The following XPR1 variants were observed in gnomAD, a reference collection of about 807,000 sequenced individuals.
The protein encoded by XPR1 is solute carrier family 53 member 1.
XPR1 carries 28 observed loss-of-function variants against 87.5 expected under a neutral mutation model. That is an observed-to-expected ratio of 0.32 (90% CI 0.24 to 0.44). The LOEUF is 0.44. XPR1 is among the 20% of genes least tolerant of loss of function. The pLI is 1.00. For synonymous variants in XPR1, 300 were observed against 306.1 expected, an observed-to-expected ratio of 0.98 and a Z score of 0.21; for missense variants, 559 against 862.3, an observed-to-expected ratio of 0.65 and a Z score of 4.41.
chr1:180,647,849 C>T (rs1177789594), intron 1 of XPR1, among the ~76,000 whole-genome samples: 2 of 142,996 alleles, frequency 1.4e-5, no homozygotes, highest in South Asian at 2.2e-4. Context: ...TGCAGTGAGC[C>T]GAGATCACCC....
intron 2 of XPR1, among the ~76,000 whole-genome samples, chr1:180,703,046 T>G (rs1657406736): frequency 1.3e-5 from 2 of 152,112 alleles, no homozygotes; most frequent in African/African-American, 4.8e-5. Context: ...TTATGTAGCT[T>G]TAATTAGTGT....
intron 10 of XPR1, 135 bp from the exon 11 acceptor site, chr1:180,836,383 TATAA>T (rs1651295366): frequency 4.6e-6 from 4 of 867,558 alleles, no homozygotes; most frequent in Non-Finnish European, 5.2e-6. Flanking sequence ...ATCTTGAGAA[TATAA>T]TAGTTGCAAA....
chr1:180,726,166 G>A (rs550131230), intron 2 of XPR1, among the ~76,000 whole-genome samples: 9 of 152,148 alleles, frequency 5.9e-5, no homozygotes, highest in East Asian at 5.8e-4. Context: ...ACCAATCAGC[G>A]CTATGTGTCT....
chr1:180,832,227 A>G (rs369522591), intron 9 of XPR1, among the ~76,000 whole-genome samples: 10 of 150,966 alleles, frequency 6.6e-5, no homozygotes, highest in East Asian at 5.8e-4. Context: ...TCCTTCACCC[A>G]CTTTTTGATG....
intron 1 of XPR1, among the ~76,000 whole-genome samples, chr1:180,632,897 C>T (rs1343085068): frequency 6.6e-6 from 1 of 152,226 alleles, no homozygotes; most frequent in Non-Finnish European, 1.5e-5. Context: ...TTGTAATCAA[C>T]TATTCTGCTT....
intron 1 of XPR1, among the ~76,000 whole-genome samples, chr1:180,676,592 T>G (rs1199165978): frequency 1.3e-5 from 2 of 152,184 alleles, no homozygotes; most frequent in African/African-American, 4.8e-5. Context: ...GTAGAGGACT[T>G]TAATATAAAA....
chr1:180,715,564 C>T (rs1657960950), intron 2 of XPR1, among the ~76,000 whole-genome samples: 1 of 152,098 alleles, frequency 6.6e-6, no homozygotes, highest in South Asian at 2.1e-4. Flanking sequence ...ACCATCTTGT[C>T]ATCAAAATAT....
In XPR1 at chr1:180,716,053, A is replaced by G. The variant is rs989296250; in HGVS notation, c.121+33642A>G. Among the ~76,000 whole-genome samples, 5 of 152,172 alleles carry G rather than the reference A, an allele frequency of 3.3e-5. No homozygotes were observed. The East Asian group carries it at 7.7e-4, about 23-fold the overall frequency. On this transcript the variant is annotated intron_variant, in intron 2 of 14. Coordinates refer to ENST00000367590, the MANE Select transcript of XPR1 (RefSeq NM_004736.4). ...GAGGTAGCCATCAAGGGAGTGGACA[A>G]TCCCTAGAGTGGAATGTCATATAAT...
intron 1 of XPR1, among the ~76,000 whole-genome samples, chr1:180,641,871 C>T (rs931560690): frequency 2.0e-5 from 3 of 152,068 alleles, no homozygotes; most frequent in Non-Finnish European, 4.4e-5. Context: ...CTTGTTAAGG[C>T]TTATCATTGC....
chr1:180,659,373 GTCCTTCCGTCCTTCCT>G (rs1294383180), intron 1 of XPR1, among the ~76,000 whole-genome samples: 76 of 73,242 alleles, frequency 1.0e-3, no homozygotes, highest in Middle Eastern at 0.012. Context: ...CCTTCCGTCC[GTCCTTCCGTCCTTCCT>G]TCCTTCCTTC....
intron 2 of XPR1, among the ~76,000 whole-genome samples, chr1:180,730,751 C>T (rs1421796515): frequency 6.6e-6 from 1 of 152,174 alleles, no homozygotes; most frequent in African/African-American, 2.4e-5. Context: ...GCAGCCTTGA[C>T]ATCCATGCTC....
chr1:180,838,859 C>CTG (rs1282815685), intron 11 of XPR1, among the ~76,000 whole-genome samples: 1 of 152,084 alleles, frequency 6.6e-6, no homozygotes, highest in Non-Finnish European at 1.5e-5. Flanking sequence ...TAAATTATTT[C>CTG]TGTCACTAAG....
intron 1 of XPR1, among the ~76,000 whole-genome samples, chr1:180,635,579 C>T (rs1489213738): frequency 1.3e-5 from 2 of 151,992 alleles, no homozygotes; most frequent in African/African-American, 4.8e-5. Flanking sequence ...AATAAAATAA[C>T]AAGGTTTCTA....
intron 2 of XPR1, among the ~76,000 whole-genome samples, chr1:180,725,201 T>C (rs969752033): frequency 6.6e-6 from 1 of 152,164 alleles, no homozygotes; most frequent in African/African-American, 2.4e-5. Flanking sequence ...ATACCCAAGA[T>C]TTATTGTAGC....
At chr1:180,792,982 G>A (rs1002008485) in intron 3 of XPR1, among the ~76,000 whole-genome samples, 1 of 151,728 alleles carries the variant, frequency 6.6e-6, no homozygotes, top group African/African-American at 2.4e-5. Context: ...CTGGAATTTT[G>A]AAATAGCTAA....
intron 2 of XPR1, among the ~76,000 whole-genome samples, chr1:180,771,924 T>C (rs570453158): frequency 2.0e-5 from 3 of 152,238 alleles, no homozygotes; most frequent in Non-Finnish European, 2.9e-5. Context: ...AAATATCTTC[T>C]TGTTCCTCAA....
intron 3 of XPR1, among the ~76,000 whole-genome samples, chr1:180,802,663 C>A (rs1415774013): frequency 2.0e-5 from 3 of 152,112 alleles, no homozygotes; most frequent in Non-Finnish European, 1.5e-5. Context: ...TATCTCGTAC[C>A]CATTAGCAAT....
At chr1:180,696,208 G>GTGTGTGTGTA (rs1241189679) in intron 2 of XPR1, among the ~76,000 whole-genome samples, 9 of 88,590 alleles carry the variant, frequency 1.0e-4, no homozygotes, top group African/African-American at 3.4e-4. Flanking sequence ...GTGTGTGTGT[G>GTGTGTGTGTA]TATATATATA....
chr1:180,809,634 T>C (rs1008583005), intron 6 of XPR1, among the ~76,000 whole-genome samples: 2 of 152,008 alleles, frequency 1.3e-5, no homozygotes, highest in African/African-American at 4.8e-5. Flanking sequence ...CCTGTAGAGA[T>C]GGTAAAGCTA....
Sources: allele counts gnomAD v4.1 joint callset (sites outside exome capture counted in the v4.1 genomes callset), GRCh38; gene constraint gnomAD v4.1.1; transcripts MANE v1.5; gene names NCBI Gene and HGNC (gene_info 2026-07-23, HGNC 2026-07-21).